Variants in TENM3 observed in about 807,000 individuals in gnomAD.
The protein encoded by TENM3 is teneurin-3.
In TENM3, 63 loss-of-function variants were observed where a neutral mutation model predicts 255.1. That is an observed-to-expected ratio of 0.25 (90% confidence interval 0.20 to 0.30). TENM3 has a LOEUF of 0.30. Among genes scored for constraint, TENM3 ranks in the 10% least tolerant of loss-of-function variants. TENM3 has a pLI of 1.00. For missense variants in TENM3, 2,929 were observed against 3,461.1 expected (o/e 0.85, Z 3.86); for synonymous variants, 1,306 against 1,322.3 (o/e 0.99, Z 0.27).
In TENM3 at chr4:182,754,422, C is replaced by T. The variant is rs755176149; in HGVS notation, c.4055C>T (p.Pro1352Leu). Residue 1352 changes from proline to leucine, a missense_variant, in exon 22 of 28, where the codon CCT becomes CTT. Physicochemically the swap from Pro to Leu is moderately conservative, Grantham distance 98 (BLOSUM62 -3). Around this residue, in one of 6 missense-constraint regions of TENM3, gnomAD observed 1,608 missense variants for 1,884.4 expected, o/e 0.85. Coordinates refer to ENST00000511685, the MANE Select transcript of TENM3 (RefSeq NM_001080477.4). The surrounding 1 kb of genome is among the most constrained non-coding windows in gnomAD (Gnocchi z 5.1). ...LEWPTDLAIN[P>L]MDNSIYVLDN... ...TGGCCCACTGACCTAGCCATTAACC[C>T]TATGGATAACTCCATTTATGTCCTG... 1 of 1,609,060 alleles carries T rather than the reference C, an allele frequency of 6.2e-7. No individual in the cohort carries two copies. Among genetic ancestry groups the T allele is most frequent in the South Asian group, 1.1e-5 (1 of 89,966 alleles).
intron 16 of TENM3, among the ~76,000 whole-genome samples, chr4:182,731,969 GGC>G (rs1446952731): frequency 7.2e-5 from 11 of 151,836 alleles, no homozygotes; most frequent in South Asian, 2.1e-4. Context: ...TTTTAGTAGA[GGC>G]AGGGTTTCAT....
At chr4:181,519,044 T>C in the TENM3 span, among the ~76,000 whole-genome samples, 5 of 152,206 alleles carry the variant, frequency 3.3e-5, no homozygotes, top group East Asian at 7.7e-4. Context: ...ACAAAAAAAA[T>C]ATATGTTTAA....
intron 24 of TENM3, among the ~76,000 whole-genome samples, chr4:182,783,306 C>T (rs552474922): frequency 8.1e-4 from 122 of 151,454 alleles, no homozygotes; most frequent in African/African-American, 2.7e-3. Flanking sequence ...ATTTCTCCTT[C>T]GCTTATGAAG....
intron 3 of TENM3, among the ~76,000 whole-genome samples, chr4:182,595,938 T>C (rs1310177338): frequency 1.3e-5 from 2 of 151,588 alleles, no homozygotes; most frequent in African/African-American, 4.8e-5. Flanking sequence ...TATTCACATA[T>C]CTTTAAAGGT....
intron 12 of TENM3, among the ~76,000 whole-genome samples, chr4:182,713,586 C>T (rs1282310428): frequency 6.6e-6 from 1 of 152,146 alleles, no homozygotes; most frequent in East Asian, 1.9e-4. Context: ...AATTAATGTT[C>T]TCTTTTTGAC....
At chr4:182,095,894 ATC>A in the TENM3 span, among the ~76,000 whole-genome samples, 47,834 of 151,726 alleles carry the variant, frequency 0.32, 7,639 homozygotes, top group Middle Eastern at 0.42. Flanking sequence ...AAAGAGATCA[ATC>A]AATATTGAAG....
chr4:182,101,099 G>GAA, the TENM3 span, among the ~76,000 whole-genome samples: 792 of 67,304 alleles, frequency 0.012, 263 homozygotes, highest in Non-Finnish European at 0.018. Context: ...AGGGAGGGAG[G>GAA]GAGGGAGGAA....
At chr4:182,105,513 C>G in the TENM3 span, among the ~76,000 whole-genome samples, 1 of 152,134 alleles carries the variant, frequency 6.6e-6, no homozygotes, top group African/African-American at 2.4e-5. Flanking sequence ...CTGTGATCCT[C>G]ACTGTTATGG....
upstream of TENM3, among the ~76,000 whole-genome samples, chr4:182,239,021 T>A: frequency 6.7e-6 from 1 of 149,996 alleles, no homozygotes; most frequent in South Asian, 2.1e-4. Context: ...TTCTTAGACT[T>A]TAAAAATCTT....
chr4:182,371,417 T>C (rs1766803455), intron 3 of TENM3, among the ~76,000 whole-genome samples: 1 of 152,200 alleles, frequency 6.6e-6, no homozygotes, highest in African/African-American at 2.4e-5. Context: ...CCCTCAAATA[T>C]GTCTTCAATG....
At chr4:181,848,936 A>G in the TENM3 span, among the ~76,000 whole-genome samples, 1 of 152,146 alleles carries the variant, frequency 6.6e-6, no homozygotes, top group Non-Finnish European at 1.5e-5. Flanking sequence ...GGATTGTTTG[A>G]GTTGATGCCA....
intron 3 of TENM3, among the ~76,000 whole-genome samples, chr4:182,490,593 G>A (rs528958672): frequency 6.0e-4 from 92 of 152,306 alleles, no homozygotes; most frequent in African/African-American, 2.0e-3. Flanking sequence ...TCATGGAAAA[G>A]TGAATGGGAT....
At chr4:182,128,938 AT>A in the TENM3 span, among the ~76,000 whole-genome samples, 66,004 of 151,912 alleles carry the variant, frequency 0.43, 14,785 homozygotes, top group African/African-American at 0.54. Flanking sequence ...TTTCTCTCAT[AT>A]TTTTCATACT....
chr4:181,846,899 ATGCATTTAAATATAGAACTGGTAAAT>A, the TENM3 span, among the ~76,000 whole-genome samples: 1 of 152,246 alleles, frequency 6.6e-6, no homozygotes, highest in East Asian at 1.9e-4. Context: ...TTGTGTACAA[ATGCATTTAAATATAGAACTGGTAAAT>A]TGTGGCAATG....
chr4:182,100,818 T>TATATAC, the TENM3 span, among the ~76,000 whole-genome samples: 1 of 12,324 alleles, frequency 8.1e-5, no homozygotes, highest in African/African-American at 3.0e-4. Context: ...CACATATATA[T>TATATAC]ACACATATAT....
chr4:182,064,659 T>C, the TENM3 span, among the ~76,000 whole-genome samples: 3 of 152,022 alleles, frequency 2.0e-5, no homozygotes, highest in Non-Finnish European at 4.4e-5. Flanking sequence ...AGAGATGTCA[T>C]GAAAGCAGGG....
the TENM3 span, among the ~76,000 whole-genome samples, chr4:182,105,224 A>G: frequency 6.6e-6 from 1 of 152,154 alleles, no homozygotes; most frequent in African/African-American, 2.4e-5. Flanking sequence ...AATAAAAATA[A>G]TAATGACAAT....
chr4:181,613,165 A>T, the TENM3 span, among the ~76,000 whole-genome samples: 11 of 152,196 alleles, frequency 7.2e-5, no homozygotes, highest in Non-Finnish European at 1.5e-4. Flanking sequence ...AGTTCAAAAG[A>T]CAGAAGTTAG....
chr4:182,347,139 G>C (rs1442804080), intron 3 of TENM3, among the ~76,000 whole-genome samples: 2 of 151,540 alleles, frequency 1.3e-5, no homozygotes, highest in Non-Finnish European at 2.9e-5. Context: ...ATCAATATTT[G>C]ACATCAGATT....
Sources: allele counts gnomAD v4.1 joint callset (sites outside exome capture counted in the v4.1 genomes callset), GRCh38; gene constraint gnomAD v4.1.1; regional missense constraint gnomAD v4.1.1; non-coding constraint Gnocchi (gnomAD v3.1); transcripts MANE v1.5; gene names NCBI Gene and HGNC (gene_info 2026-07-23, HGNC 2026-07-21).